The following UBE4A variants were observed in gnomAD, a reference collection of about 807,000 sequenced individuals.
The protein encoded by UBE4A is ubiquitin conjugation factor E4 A.
In UBE4A, 48 loss-of-function variants were observed where a neutral mutation model predicts 117.9. The ratio of observed to expected loss-of-function variants is 0.41; its 90% confidence interval spans 0.32 to 0.52. The LOEUF (loss-of-function observed/expected upper bound fraction) is 0.52, where lower values mean the gene tolerates loss of function less well. Ranked by LOEUF, UBE4A falls within the 20% of genes least tolerant of loss-of-function variation. The probability of loss-of-function intolerance (pLI) is 0.33; values close to 1 mark genes in which losing one functional copy is unlikely to be tolerated. For synonymous variants in UBE4A, 407 were observed against 450.0 expected, an observed-to-expected ratio of 0.90 and a Z score of 1.21; for missense variants, 1,067 against 1,296.3, an observed-to-expected ratio of 0.82 and a Z score of 2.72.
chr11:118,383,913 T>C (rs1348475502), intron 13 of UBE4A, among the ~76,000 whole-genome samples: 4 of 152,238 alleles, frequency 2.6e-5, no homozygotes, highest in Admixed American at 1.3e-4. Context: ...TAAATCTTTA[T>C]AATACATAAG....
At chr11:118,369,638 C>T (rs1052617528) in intron 4 of UBE4A, 103 bp downstream of exon 4, 1 of 695,950 alleles carries the variant, frequency 1.4e-6, no homozygotes, top group Non-Finnish European at 2.3e-6. Context: ...ATATGTCCAT[C>T]CCTCTCTCTT....
chr11:118,369,644 C>A, intron 4 of UBE4A, 109 bp downstream of exon 4: 13 of 618,340 alleles, frequency 2.1e-5, no homozygotes, highest in Non-Finnish European at 2.7e-5. Context: ...CCATCCCTCT[C>A]TCTTTTTTTT....
At position 118,373,552 on chromosome 11, in the gene UBE4A, C is replaced by T; in HGVS notation, c.983C>T (p.Thr328Ile). 1 of 1,614,130 alleles carries T rather than the reference C, an allele frequency of 6.2e-7. No individual in the cohort carries two copies. Among genetic ancestry groups the T allele is most frequent in the Non-Finnish European group, 8.5e-7 (1 of 1,180,024 alleles). ...ACCAATGGGCAAATGTACCAGAAGA[C>T]CTTGCTGGGAGTAATTCTGAGTATC... ...DPTNGQMYQK[T>I]LLGVILSISC... The change falls in exon 8 of 20, where the codon ACC (threonine) becomes ATC (isoleucine). Residue 328 changes from threonine (T) to isoleucine (I), a missense_variant. By Grantham distance (89) the Thr-to-Ile change is moderately conservative. Around this residue, in one of 3 missense-constraint regions of UBE4A, gnomAD observed 1,001 missense variants for 1,184.0 expected, o/e 0.85. Coordinates refer to ENST00000252108, the MANE Select transcript of UBE4A (RefSeq NM_001204077.2).
At chr11:118,359,786 TCTC>T (rs1187387291) in intron 1 of UBE4A, 112 bp downstream of exon 1, 6 of 152,308 alleles carry the variant, frequency 3.9e-5, no homozygotes, top group Admixed American at 2.6e-4. Context: ...CCAAATTCCT[TCTC>T]CTATGCTTTG....
At chr11:118,393,393 G>A (rs373812640) in intron 19 of UBE4A, among the ~76,000 whole-genome samples, 11 of 152,116 alleles carry the variant, frequency 7.2e-5, no homozygotes, top group African/African-American at 2.2e-4. Flanking sequence ...CTCCAGCCTG[G>A]GCTCAGGTGA....
intron 2 of UBE4A, among the ~76,000 whole-genome samples, chr11:118,368,039 T>G (rs1294314192): frequency 6.6e-6 from 1 of 152,124 alleles, no homozygotes; most frequent in African/African-American, 2.4e-5. Flanking sequence ...AATAGTGAGG[T>G]AGGCCTCTAA....
chr11:118,395,558 T>C (rs1159107557), intron 19 of UBE4A, among the ~76,000 whole-genome samples: 1 of 152,228 alleles, frequency 6.6e-6, no homozygotes, highest in African/African-American at 2.4e-5. Flanking sequence ...TGTACTTGCA[T>C]AACAATCAGC....
intron 15 of UBE4A, among the ~76,000 whole-genome samples, chr11:118,385,754 A>G (rs1948751098): frequency 6.6e-6 from 1 of 152,234 alleles, no homozygotes; most frequent in Non-Finnish European, 1.5e-5. Flanking sequence ...TCCCCTGAGT[A>G]GCTTGTGTTT....
At chr11:118,385,629 TC>T (rs1948749762) in intron 15 of UBE4A, among the ~76,000 whole-genome samples, 1 of 152,162 alleles carries the variant, frequency 6.6e-6, no homozygotes, top group Non-Finnish European at 1.5e-5. Flanking sequence ...GAGCAAAACT[TC>T]CCTTACCTGT....
chr11:118,378,807 AG>A (rs1490296023), intron 10 of UBE4A: 3 of 152,314 alleles, frequency 2.0e-5, no homozygotes, highest in Non-Finnish European at 4.4e-5. Context: ...ACAGGGCCAA[AG>A]GAAATGATTT....
At position 118,373,166 on chromosome 11, in the gene UBE4A, G is replaced by T. The variant is rs747546069; in HGVS notation, c.802G>T (p.Val268Phe). 4.3e-6 allele frequency: 7 copies of T among 1,613,944 alleles called. No homozygotes were observed. Among genetic ancestry groups the T allele is most frequent in the Non-Finnish European group, 1.7e-6 (2 of 1,180,018 alleles). ...TGAGGAAGTTAGAACATTTCCAGAA[G>T]TCATGATTCCAGTGTTTGATATTTT... ...LDEEVRTFPE[V>F]MIPVFDILLG... Residue 268 changes from valine (V) to phenylalanine (F), a missense_variant, in exon 7 of 20, where the codon GTC (valine) becomes TTC (phenylalanine). Transcript: ENST00000252108.
intron 4 of UBE4A, among the ~76,000 whole-genome samples, chr11:118,370,960 C>T (rs1948603814): frequency 6.6e-6 from 1 of 152,206 alleles, no homozygotes; most frequent in Admixed American, 6.5e-5. Flanking sequence ...CCTCCATACC[C>T]AGACACCTCC....
chr11:118,382,346 T>G (rs782730225), intron 12 of UBE4A, among the ~76,000 whole-genome samples: 13 of 152,004 alleles, frequency 8.6e-5, no homozygotes, highest in Non-Finnish European at 1.9e-4. Flanking sequence ...CAATAGAAAC[T>G]TAAGTGCTCA....
chr11:118,365,255 C>A, intron 2 of UBE4A, 54 bp downstream of exon 2: 2 of 1,457,710 alleles, frequency 1.4e-6, no homozygotes, highest in East Asian at 2.6e-5. Context: ...GGGGTCTTCC[C>A]AAATTAAGTA....
rs782813371 is a variant in UBE4A, at chr11:118,384,657, G to A, written c.2220G>A (p.Gln740=). 1.9e-6 allele frequency: 3 copies of A among 1,614,068 alleles called. No homozygotes were observed. The highest frequency in any genetic ancestry group is 2.2e-5 in the South Asian group (2 of 91,078). The stretch of plus-strand genomic sequence containing the variant: ...CAGGAGACCCCCATCAATTTGAACA[G>A]AAGTTTAATTACCGCCGTCCCATGT... ...EFTGDPHQFE[Q]KFNYRRPMYP... is the part of the protein sequence containing the mutation. Residue 740 remains glutamine, a synonymous_variant, in exon 14 of 20, where the codon CAG becomes CAA. Coordinates refer to ENST00000252108, the MANE Select transcript of UBE4A (RefSeq NM_001204077.2).
At chr11:118,370,026 A>C (rs1311926180) in intron 4 of UBE4A, among the ~76,000 whole-genome samples, 1 of 151,858 alleles carries the variant, frequency 6.6e-6, no homozygotes, top group Non-Finnish European at 1.5e-5. Context: ...CAGGAGGCGG[A>C]GGTTGCAATG....
At position 118,392,728 on chromosome 11, in the gene UBE4A, G is replaced by T; in HGVS notation, c.2917-10G>T. The T allele has an allele frequency of 6.2e-7, 1 of 1,612,798 alleles. No homozygotes were observed. Among genetic ancestry groups the T allele is most frequent in the South Asian group, 1.1e-5 (1 of 90,896 alleles). ...GAATTCACTTTAACTACCAGATGTT[G>T]TATACTCAGTCTCTTGCAGACCTCC... is the stretch of plus-strand genomic sequence containing the variant. On this transcript the variant is annotated splice_polypyrimidine_tract_variant and intron_variant, in intron 18 of 19. Coordinates refer to ENST00000252108, the MANE Select transcript of UBE4A (RefSeq NM_001204077.2).
chr11:118,376,081 C>A (rs1235048950), intron 9 of UBE4A, among the ~76,000 whole-genome samples: 1 of 151,734 alleles, frequency 6.6e-6, no homozygotes, highest in Non-Finnish European at 1.5e-5. Flanking sequence ...GTGGCTAGGG[C>A]AAGGGGTAGA....
intron 19 of UBE4A, among the ~76,000 whole-genome samples, chr11:118,393,182 C>T (rs1015167449): frequency 1.3e-5 from 2 of 152,020 alleles, no homozygotes; most frequent in East Asian, 1.9e-4. Flanking sequence ...TTTGGGAGGC[C>T]GAGGCAGGTG....
Sources: gnomAD v4.1 joint callset for allele counts (sites outside exome capture counted in the v4.1 genomes callset) on GRCh38, gnomAD v4.1.1 for gene constraint, gnomAD v4.1.1 regional missense constraint, MANE v1.5 for transcripts, NCBI Gene and HGNC (gene_info 2026-07-23, HGNC 2026-07-21) for gene names.